BLM: variants seen among roughly 807,000 people sequenced by gnomAD.
BLM encodes the protein BLM RecQ like helicase.
A neutral mutation model predicts 135.3 loss-of-function variants in BLM; 95 were observed. The ratio of observed to expected loss-of-function variants is 0.70; its 90% CI spans 0.59 to 0.83. The LOEUF (loss-of-function observed/expected upper bound fraction) is 0.83, where lower values mean the gene tolerates loss of function less well. Ranked by LOEUF, BLM falls within the 40% of genes least tolerant of loss-of-function variation. The pLI, the probability that BLM is intolerant of heterozygous loss-of-function variation, is 0.00. For missense variants in BLM, 1,518 were observed against 1,663.9 expected, an observed-to-expected ratio of 0.91 and a Z score of 1.53; for synonymous variants, 520 against 589.2, an observed-to-expected ratio of 0.88 and a Z score of 1.70.
chr15:90,742,326 G>T (rs963537156), intron 1 of BLM, among the ~76,000 whole-genome samples: 1 of 152,080 alleles, frequency 6.6e-6, no homozygotes, highest in Non-Finnish European at 1.5e-5. Flanking sequence ...CTGTTTTTCA[G>T]GAACCACCCC....
chr15:90,778,568 T>C (rs1031075464), intron 12 of BLM, among the ~76,000 whole-genome samples: 3 of 152,230 alleles, frequency 2.0e-5, no homozygotes, highest in African/African-American at 7.2e-5. Context: ...ACCACTAATC[T>C]GCTTTCTATG....
chr15:90,787,567 A>G (rs1433748962), intron 14 of BLM, among the ~76,000 whole-genome samples: 2 of 152,220 alleles, frequency 1.3e-5, no homozygotes, highest in Non-Finnish European at 1.5e-5. Context: ...TCAGTTTAGT[A>G]TCCCGAGAAA....
intron 15 of BLM, among the ~76,000 whole-genome samples, chr15:90,791,426 C>T (rs995301007): frequency 1.3e-5 from 2 of 151,968 alleles, no homozygotes; most frequent in East Asian, 1.9e-4. Flanking sequence ...TATAATGACC[C>T]GATTTTTTTC....
At chr15:90,814,500 G>C (rs906430608) in intron 21 of BLM, among the ~76,000 whole-genome samples, 5 of 152,202 alleles carry the variant, frequency 3.3e-5, no homozygotes, top group Admixed American at 2.0e-4. Flanking sequence ...ATCTCTGGGT[G>C]TAGGCAGGTG....
intron 1 of BLM, among the ~76,000 whole-genome samples, chr15:90,727,272 C>CT (rs1894943695): frequency 1.3e-5 from 2 of 152,148 alleles, no homozygotes; most frequent in Non-Finnish European, 2.9e-5. Flanking sequence ...CCTCAGCCTC[C>CT]TAAAGTGCTA....
intron 1 of BLM, among the ~76,000 whole-genome samples, chr15:90,720,913 G>T (rs1032606305): frequency 4.6e-5 from 7 of 152,012 alleles, no homozygotes; most frequent in Admixed American, 2.0e-4. Flanking sequence ...TTATTTCCTG[G>T]CTGGGCGCGG....
intron 12 of BLM, among the ~76,000 whole-genome samples, chr15:90,770,570 G>A (rs1158968049): frequency 6.6e-6 from 1 of 152,120 alleles, no homozygotes; most frequent in Admixed American, 6.6e-5. Context: ...TATTCACTCA[G>A]CAAATATTTA....
intron 9 of BLM, among the ~76,000 whole-genome samples, chr15:90,766,513 T>TGGA (rs1896131106): frequency 6.6e-6 from 1 of 152,154 alleles, no homozygotes; most frequent in South Asian, 2.1e-4. Context: ...CTGCAACCTC[T>TGGA]GCCTCCCAAG....
At chr15:90,769,282 C>A in intron 11 of BLM, 51 bp downstream of exon 11, 2 of 1,533,374 alleles carry the variant, frequency 1.3e-6, no homozygotes, top group Non-Finnish European at 1.8e-6. Flanking sequence ...ATACTACCAA[C>A]AATATATGTA....
At position 90,767,517 on chromosome 15, in the gene BLM, G is replaced by T. The variant is rs141928241; in HGVS notation, c.2307+494G>T. On this transcript the variant is annotated intron_variant, in intron 10 of 21. Coordinates refer to ENST00000355112, the MANE Select transcript of BLM (RefSeq NM_000057.4). The stretch of plus-strand genomic sequence containing the variant: ...GTGATTTTGAAGTTTTTGAAGGCCA[G>T]TCGTTTTCGGAATTGTCCCTCAATT... Among the ~76,000 whole-genome samples the T allele has an allele frequency of 9.4e-4, 143 of 152,310 alleles. 1 individual carries two copies. In the East Asian group the frequency reaches 0.016, roughly 17 times the overall value.
intron 3 of BLM, among the ~76,000 whole-genome samples, chr15:90,750,631 C>T (rs566820035): frequency 6.4e-4 from 97 of 152,282 alleles, no homozygotes; most frequent in African/African-American, 2.2e-3. Flanking sequence ...CACCTCTCTT[C>T]ATCTCATCAT....
At chr15:90,756,014 G>A (rs1177951042) in intron 5 of BLM, among the ~76,000 whole-genome samples, 4 of 152,040 alleles carry the variant, frequency 2.6e-5, no homozygotes, top group Admixed American at 1.3e-4. Context: ...TATTCAGGAG[G>A]TGACTGATGT....
chr15:90,720,665 C>T (rs1408130370), intron 1 of BLM, among the ~76,000 whole-genome samples: 2 of 151,522 alleles, frequency 1.3e-5, no homozygotes, highest in African/African-American at 4.9e-5. Context: ...CACTGCAGCT[C>T]CAGCCTCCCG....
At chr15:90,775,510 A>ATGTGTGTG (rs200736562) in intron 12 of BLM, among the ~76,000 whole-genome samples, 1 of 144,850 alleles carries the variant, frequency 6.9e-6, no homozygotes. Flanking sequence ...TTATATATAT[A>ATGTGTGTG]TGTGTGTGTG....
intron 4 of BLM, among the ~76,000 whole-genome samples, chr15:90,752,214 C>T (rs1895706914): frequency 6.7e-6 from 1 of 149,890 alleles, no homozygotes; most frequent in African/African-American, 2.5e-5. Flanking sequence ...CTCGCTCTGT[C>T]ACCCAGGCTG....
intron 18 of BLM, 61 bp from the exon 19 acceptor site, chr15:90,804,106 C>A: frequency 6.8e-7 from 1 of 1,475,622 alleles, no homozygotes; most frequent in Non-Finnish European, 9.4e-7. Context: ...TTAAATAAAG[C>A]CCCTGTATGG....
chr15:90,721,183 AT>A (rs1046286169), intron 1 of BLM, among the ~76,000 whole-genome samples: 1 of 151,906 alleles, frequency 6.6e-6, no homozygotes, highest in African/African-American at 2.4e-5. Flanking sequence ...AAATTTCACA[AT>A]TTTTTCATAA....
intron 20 of BLM, among the ~76,000 whole-genome samples, chr15:90,810,569 G>A (rs1897390422): frequency 6.6e-6 from 1 of 152,036 alleles, no homozygotes; most frequent in Non-Finnish European, 1.5e-5. Flanking sequence ...ATGCTTTTTG[G>A]GTGCCTTGGG....
At chr15:90,733,461 A>C (rs1256838330) in intron 1 of BLM, among the ~76,000 whole-genome samples, 2 of 152,238 alleles carry the variant, frequency 1.3e-5, no homozygotes, top group East Asian at 3.8e-4. Flanking sequence ...TATGGAGTCC[A>C]AATAATCCTA....
Sources: allele counts gnomAD v4.1 joint callset (sites outside exome capture counted in the v4.1 genomes callset), GRCh38; gene constraint gnomAD v4.1.1; transcripts MANE v1.5; gene names NCBI Gene and HGNC (gene_info 2026-07-23, HGNC 2026-07-21).